FGF20: variants seen among roughly 807,000 people sequenced by gnomAD.
FGF20 encodes the protein fibroblast growth factor 20.
Under a neutral mutation model 16.7 loss-of-function variants are expected in FGF20, and 8 were observed. That is an observed-to-expected ratio of 0.48 (90% CI 0.28 to 0.87). The LOEUF (loss-of-function observed/expected upper bound fraction) is 0.87, where lower values mean the gene tolerates loss of function less well. FGF20 is among the 40% of genes least tolerant of loss of function. The pLI, the probability that FGF20 is intolerant of heterozygous loss-of-function variation, is 0.10. For missense variants in FGF20, 397 were observed against 281.4 expected (o/e 1.41, Z -2.94); for synonymous variants, 161 against 118.6 (o/e 1.36, Z -2.32).
At chr8:16,993,386 A>C (rs957197186) in intron 2 of FGF20, 69 bp from the exon 3 acceptor site, 12 of 1,414,836 alleles carry the variant, frequency 8.5e-6, no homozygotes, top group African/African-American at 1.4e-5. Flanking sequence ...ACAAGTTTCA[A>C]CTCTATATTT....
intron 1 of FGF20, among the ~76,000 whole-genome samples, chr8:16,996,398 A>C (rs916946414): frequency 6.6e-6 from 1 of 151,908 alleles, no homozygotes; most frequent in Non-Finnish European, 1.5e-5. Flanking sequence ...TGAGCAGGCA[A>C]GTCATTTGTC....
At chr8:16,998,413 C>G (rs1240293864) in intron 1 of FGF20, among the ~76,000 whole-genome samples, 1 of 152,118 alleles carries the variant, frequency 6.6e-6, no homozygotes, top group Non-Finnish European at 1.5e-5. Flanking sequence ...AAATAGTATA[C>G]CACGTAGTAA....
chr8:16,999,322 G>A (rs1278213415), intron 1 of FGF20, among the ~76,000 whole-genome samples: 1 of 152,128 alleles, frequency 6.6e-6, no homozygotes, highest in Non-Finnish European at 1.5e-5. Context: ...AAAACAAAAT[G>A]TGCGAGCAAG....
rs569414213 is a variant in FGF20, at chr8:17,001,620, T to C, written c.286+127A>G. 34 of 1,145,728 alleles carry C rather than the reference T, an allele frequency of 3.0e-5. No homozygotes were observed. In the African/African-American group the frequency reaches 4.5e-4, roughly 15 times the overall value. The allele number at this position is 1,145,728 out of a possible 1,614,324, so 71.0% of individuals were successfully genotyped here. A position where few individuals can be genotyped will look rare whatever the true frequency, so the allele number is the denominator to read the frequency against. ...CAGCCTGCGTCTTGCACCGGATGGG[T>C]CCAGGGGAGCTCCGGGCTCCGCGCG... On this transcript the variant is annotated intron_variant, in intron 1 of 2. Coordinates refer to ENST00000180166, the MANE Select transcript of FGF20 (RefSeq NM_019851.3).
In FGF20 at chr8:16,993,141, A is replaced by T. The variant is rs1458723028; in HGVS notation, c.567T>A (p.His189Gln). ...CTGGATCCACTGGTCTAGGTAAGAA[A>T]TGTGTAAATTTCTGATGCCTCTTGG... ...ARSKRHQKFT[H>Q]FLPRPVDPER... Residue 189 changes from histidine (H) to glutamine (Q), a missense_variant, in exon 3 of 3, where the codon CAT becomes CAA. Transcript: ENST00000180166. 1.2e-6 allele frequency: 2 copies of T among 1,614,094 alleles called. No homozygotes were observed. Among genetic ancestry groups the T allele is most frequent in the Non-Finnish European group, 1.7e-6 (2 of 1,180,014 alleles).
Position 16,992,454 on chromosome 8 carries a change from A to T in FGF20, c.*618T>A, listed in dbSNP as rs1216841620. On this transcript the variant is annotated 3_prime_UTR_variant, in exon 3 of 3. Coordinates refer to ENST00000180166, the MANE Select transcript of FGF20 (RefSeq NM_019851.3). ...TTTTTACTCTTTGTATTATCTTCAT[A>T]TCCCAGTAAAAAATAAACTCTTTAA... 1 of 151,772 alleles carries T rather than the reference A, an allele frequency of 6.6e-6. No homozygotes were observed. Among genetic ancestry groups the T allele is most frequent in the Non-Finnish European group, 1.5e-5 (1 of 67,926 alleles). 9.4% of individuals were successfully genotyped at this position (151,772 alleles called of 1,614,324 possible). A position where few individuals can be genotyped will look rare whatever the true frequency, so the allele number is the denominator to read the frequency against.
Position 17,001,420 on chromosome 8 carries a change from G to C in FGF20, c.286+327C>G, listed in dbSNP as rs1024068680. 3.9e-5 allele frequency among the ~76,000 whole-genome samples: 6 copies of C among 152,254 alleles called. No individual in the cohort carries two copies. In the South Asian group the frequency reaches 8.3e-4, roughly 21 times the overall value. On this transcript the variant is annotated intron_variant, in intron 1 of 2. Coordinates refer to ENST00000180166, the MANE Select transcript of FGF20 (RefSeq NM_019851.3). ...AGAACCGTGATGCCGAGTGCACCAG[G>C]TCTTGGTGTCCCCGGCAGTGGGAAG...
intron 2 of FGF20, 38 bp downstream of exon 2, chr8:16,995,617 G>T (rs1050837752): frequency 5.8e-6 from 5 of 865,654 alleles, no homozygotes; most frequent in Non-Finnish European, 8.6e-6. Context: ...AATATTTTAA[G>T]AATTACAATA....
chr8:16,999,918 T>C (rs1344826569), intron 1 of FGF20, among the ~76,000 whole-genome samples: 2 of 152,184 alleles, frequency 1.3e-5, no homozygotes, highest in Non-Finnish European at 2.9e-5. Context: ...TAAGCTTAAC[T>C]TCTGCCTGCT....
At chr8:16,999,518 C>CTTTTTTTTT (rs370808443) in intron 1 of FGF20, among the ~76,000 whole-genome samples, 4 of 85,846 alleles carry the variant, frequency 4.7e-5, no homozygotes, top group Non-Finnish European at 8.4e-5. Context: ...TACAAGTTTC[C>CTTTTTTTTT]TTTTTTTTTT....
Position 16,992,539 on chromosome 8 carries a change from T to C in FGF20, c.*533A>G, listed in dbSNP as rs1317890294. 1 of 151,654 alleles carries C rather than the reference T, an allele frequency of 6.6e-6. No individual in the cohort carries two copies. Among genetic ancestry groups the C allele is most frequent in the Admixed American group, 6.6e-5 (1 of 15,236 alleles). The allele number at this position is 151,654 out of a possible 1,614,324, so 9.4% of individuals were successfully genotyped here. On this transcript the variant is annotated 3_prime_UTR_variant, in exon 3 of 3. Coordinates refer to ENST00000180166, the MANE Select transcript of FGF20 (RefSeq NM_019851.3). The stretch of plus-strand genomic sequence containing the variant: ...AAAGTGTATAAATAGGTCCATTCTT[T>C]TAAAAAGTGTTCTGTCTTGGTGTGG...
chr8:16,995,934 GA>G (rs1810032764), intron 1 of FGF20, among the ~76,000 whole-genome samples, 176 bp from the exon 2 acceptor site: 1 of 152,146 alleles, frequency 6.6e-6, no homozygotes, highest in African/African-American at 2.4e-5. Context: ...TATGACAGAT[GA>G]AAAAAGGACA....
At chr8:16,998,414 C>T (rs1444337241) in intron 1 of FGF20, among the ~76,000 whole-genome samples, 1 of 151,932 alleles carries the variant, frequency 6.6e-6, no homozygotes, top group African/African-American at 2.4e-5. Flanking sequence ...AATAGTATAC[C>T]ACGTAGTAAT....
rs78278697 is a variant in FGF20 at position 16,992,247 on chromosome 8, T to C, written c.*825A>G. The stretch of plus-strand genomic sequence containing the variant: ...AATACAAATCAATGAGGCATTTTTC[T>C]AGGCCAAAAGAAACCAACGTTACAT... On this transcript the variant is annotated 3_prime_UTR_variant, in exon 3 of 3. Coordinates refer to ENST00000180166, the MANE Select transcript of FGF20 (RefSeq NM_019851.3). 1 of 152,014 alleles carries C rather than the reference T, an allele frequency of 6.6e-6. No homozygotes were observed. The highest frequency in any genetic ancestry group is 1.5e-5 in the Non-Finnish European group (1 of 68,004). 9.4% of individuals were successfully genotyped at this position (152,014 alleles called of 1,614,324 possible).
chr8:16,998,347 T>C (rs1380254634), intron 1 of FGF20, among the ~76,000 whole-genome samples: 1 of 152,222 alleles, frequency 6.6e-6, no homozygotes, highest in Non-Finnish European at 1.5e-5. Flanking sequence ...TGTGTGTGTG[T>C]TCCTCTTAAA....
At position 17,001,870 on chromosome 8, in the gene FGF20, C is replaced by T. The variant is rs991685834; in HGVS notation, c.163G>A (p.Ala55Thr). The T allele has an allele frequency of 2.1e-6, 3 of 1,462,474 alleles. No homozygotes were observed. Among genetic ancestry groups the T allele is most frequent in the Middle Eastern group, 2.3e-4 (1 of 4,332 alleles). 90.6% of individuals were successfully genotyped at this position (1,462,474 alleles called of 1,614,324 possible). ...ERSARGGPGA[A>T]QLAHLHGILR... ...ATGCCGTGCAGGTGCGCCAGCTGCG[C>T]AGCCCCCGGCCCGCCGCGCGCGCTC... is the stretch of plus-strand genomic sequence containing the variant. Residue 55 changes from alanine (A) to threonine (T), a missense_variant, in exon 1 of 3, where the codon GCG becomes ACG. Ala to Thr is a moderately conservative substitution (Grantham distance 58). Coordinates refer to ENST00000180166, the MANE Select transcript of FGF20 (RefSeq NM_019851.3).
Position 16,995,675 on chromosome 8 carries a change from T to C in FGF20, c.370A>G (p.Lys124Glu). 4.4e-6 allele frequency: 7 copies of C among 1,580,268 alleles called. No individual in the cohort carries two copies. The highest frequency in any genetic ancestry group is 6.1e-6 in the Non-Finnish European group (7 of 1,152,486). The change falls in exon 2 of 3, where the codon AAA becomes GAA. Residue 124 changes from lysine to glutamate, a missense_variant. Lys to Glu is a moderately conservative substitution (Grantham distance 56, BLOSUM62 1). Coordinates refer to ENST00000180166, the MANE Select transcript of FGF20 (RefSeq NM_019851.3). ...CGTACTGATCCATAGAGTTCTCCTT[T>C]GTCATTCATTCCAAGATAGAGACCA... The part of the protein sequence containing the change: ...DSGLYLGMND[K>E]GELYGSEKLT...
intron 2 of FGF20, among the ~76,000 whole-genome samples, chr8:16,993,889 C>T (rs1257805317): frequency 6.6e-6 from 1 of 152,088 alleles, no homozygotes; most frequent in African/African-American, 2.4e-5. Context: ...GCTGATCTCA[C>T]AGGAGGCGGA....
rs1337715762 is a variant in FGF20, at chr8:16,992,675, A to G, written c.*397T>C. The G allele has an allele frequency of 6.4e-6, 1 of 155,750 alleles. No individual in the cohort carries two copies. The highest frequency in any genetic ancestry group is 1.4e-5 in the Non-Finnish European group (1 of 70,788). The allele number at this position is 155,750 out of a possible 1,614,324, so 9.6% of individuals were successfully genotyped here. On this transcript the variant is annotated 3_prime_UTR_variant, in exon 3 of 3. Coordinates refer to ENST00000180166, the MANE Select transcript of FGF20 (RefSeq NM_019851.3). The stretch of plus-strand genomic sequence containing the variant: ...CAAGGTCCTCAGAATTTATGTAGCA[A>G]TGCTCTTGGCTAAGTCAATCCATTT...
Sources: allele counts gnomAD v4.1 joint callset (sites outside exome capture counted in the v4.1 genomes callset), GRCh38; gene constraint gnomAD v4.1.1; transcripts MANE v1.5; gene names NCBI Gene and HGNC (gene_info 2026-07-23, HGNC 2026-07-21).